GMDS: variants seen among roughly 807,000 people sequenced by gnomAD.
GMDS encodes GDP-mannose 4,6 dehydratase.
In GMDS, 20 loss-of-function variants were observed where a neutral mutation model predicts 49.9. The ratio of observed to expected loss-of-function variants is 0.40; its 90% confidence interval spans 0.28 to 0.58. The LOEUF is 0.58. Ranked by LOEUF, GMDS falls within the 20% of genes least tolerant of loss-of-function variation. The pLI is 0.42. For missense variants in GMDS, 362 were observed against 481.4 expected (o/e 0.75, Z 2.32); for synonymous variants, 177 against 178.6 (o/e 0.99, Z 0.07).
chr6:1,788,106 G>A (rs1769392392), intron 7 of GMDS, among the ~76,000 whole-genome samples: 1 of 152,136 alleles, frequency 6.6e-6, no homozygotes. Flanking sequence ...ATGAGGAAAG[G>A]CTTGGCAAGC....
At chr6:1,976,232 G>T (rs925625581) in intron 4 of GMDS, among the ~76,000 whole-genome samples, 2 of 152,154 alleles carry the variant, frequency 1.3e-5, no homozygotes, top group East Asian at 1.9e-4. Context: ...AGAAAAGAAG[G>T]TTGTCTTCAA....
chr6:2,145,396 G>C (rs1352415431), intron 1 of GMDS, among the ~76,000 whole-genome samples: 1 of 151,938 alleles, frequency 6.6e-6, no homozygotes, highest in Non-Finnish European at 1.5e-5. Context: ...AAATTAGCCG[G>C]GCGTGGTGGT....
At chr6:2,147,836 TC>T (rs1776641671) in intron 1 of GMDS, among the ~76,000 whole-genome samples, 1 of 145,760 alleles carries the variant, frequency 6.9e-6, no homozygotes, top group South Asian at 2.3e-4. Flanking sequence ...TTAGAGCAAG[TC>T]CCCTGAGCAT....
chr6:1,674,558 CTCTTTTTT>C (rs1187500410), intron 9 of GMDS, among the ~76,000 whole-genome samples: 9 of 71,418 alleles, frequency 1.3e-4, no homozygotes, highest in African/African-American at 3.8e-4. Context: ...CTCTCTCTCT[CTCTTTTTT>C]TTTTTTTTTT....
intron 4 of GMDS, among the ~76,000 whole-genome samples, chr6:2,043,974 A>ATCAC (rs1484434470): frequency 6.6e-6 from 1 of 152,212 alleles, no homozygotes; most frequent in African/African-American, 2.4e-5. Flanking sequence ...AAAGCTCAAC[A>ATCAC]TCACTGATCA....
intron 7 of GMDS, among the ~76,000 whole-genome samples, chr6:1,814,777 T>A (rs1770587748): frequency 6.6e-6 from 1 of 152,176 alleles, no homozygotes; most frequent in Non-Finnish European, 1.5e-5. Flanking sequence ...TATGAAGCAA[T>A]CCTGTTTTAT....
chr6:2,226,938 A>C (rs140243009), intron 1 of GMDS, among the ~76,000 whole-genome samples: 259 of 152,298 alleles, frequency 1.7e-3, no homozygotes, highest in Non-Finnish European at 3.0e-3. Context: ...TTCCAGATGG[A>C]ATTTAAGTTC....
intron 7 of GMDS, among the ~76,000 whole-genome samples, chr6:1,888,797 C>G (rs888495426): frequency 6.6e-6 from 1 of 152,200 alleles, no homozygotes; most frequent in South Asian, 2.1e-4. Flanking sequence ...AATGAGGGTA[C>G]AGGCATTGGG....
At chr6:1,745,528 C>T (rs1192414142) in intron 7 of GMDS, among the ~76,000 whole-genome samples, 1 of 152,112 alleles carries the variant, frequency 6.6e-6, no homozygotes, top group Admixed American at 6.6e-5. Context: ...AAACACCGGC[C>T]CGGGTCCCCT....
chr6:1,845,019 G>C (rs1333165731), intron 7 of GMDS, among the ~76,000 whole-genome samples: 1 of 152,176 alleles, frequency 6.6e-6, no homozygotes, highest in Non-Finnish European at 1.5e-5. Flanking sequence ...AAAGCTCAGT[G>C]CATTTAGATC....
At chr6:2,151,457 C>A (rs538735969) in intron 1 of GMDS, among the ~76,000 whole-genome samples, 3 of 151,972 alleles carry the variant, frequency 2.0e-5, no homozygotes, top group African/African-American at 7.2e-5. Flanking sequence ...AATACATGAG[C>A]AATATAGCCA....
At chr6:1,885,630 CTAAGTA>C (rs906829940) in intron 7 of GMDS, among the ~76,000 whole-genome samples, 82 of 152,296 alleles carry the variant, frequency 5.4e-4, no homozygotes, top group African/African-American at 1.9e-3. Context: ...CCGAGGTTGC[CTAAGTA>C]TTAGAGGGCA....
In GMDS at chr6:1,778,889, T is replaced by C. The variant is rs1248431332; in HGVS notation, c.772-36303A>G. 6.6e-6 allele frequency among the ~76,000 whole-genome samples: 1 copy of C among 152,056 alleles called. No individual in the cohort carries two copies. Among genetic ancestry groups the C allele is most frequent in the Non-Finnish European group, 1.5e-5 (1 of 68,000 alleles). On this transcript the variant is annotated intron_variant, in intron 7 of 10. Coordinates refer to ENST00000380815, the MANE Select transcript of GMDS (RefSeq NM_001500.4). The surrounding 1 kb of genome is among the most constrained non-coding windows in gnomAD (Gnocchi z 4.6). ...GCAGAAATACGCCTGAAAATGTTTTTCCAACCCCAACACCCCTGCTGCCCT... is the reference window on the plus strand; with the variant it reads ...GCAGAAATACGCCTGAAAATGTTTTCCCAACCCCAACACCCCTGCTGCCCT...
At chr6:1,918,106 A>T (rs1581360067) in intron 7 of GMDS, among the ~76,000 whole-genome samples, 1 of 152,128 alleles carries the variant, frequency 6.6e-6, no homozygotes, top group Admixed American at 6.5e-5. Context: ...TCTAATTTGC[A>T]TGTGTTGGTG....
intron 4 of GMDS, among the ~76,000 whole-genome samples, chr6:2,098,414 G>A (rs187769025): frequency 6.6e-6 from 1 of 152,130 alleles, no homozygotes; most frequent in South Asian, 2.1e-4. Context: ...AATAAAGAAA[G>A]TAATCTACTT....
intron 1 of GMDS, chr6:2,175,913 G>A: frequency 8.2e-7 from 1 of 1,213,636 alleles, no homozygotes; most frequent in Non-Finnish European, 1.2e-6. Flanking sequence ...CATTTTATAA[G>A]GTAATACTAT....
At chr6:1,814,102 A>C (rs1770558584) in intron 7 of GMDS, among the ~76,000 whole-genome samples, 1 of 152,184 alleles carries the variant, frequency 6.6e-6, no homozygotes, top group African/African-American at 2.4e-5. Context: ...TGATAAGAAA[A>C]ACTAAGATTG....
At chr6:1,949,071 G>A (rs369014185) in intron 6 of GMDS, 8 of 964,378 alleles carry the variant, frequency 8.3e-6, no homozygotes, top group East Asian at 1.1e-4. Context: ...TGGAAGGGAA[G>A]GAGTAAAAAA....
intron 9 of GMDS, among the ~76,000 whole-genome samples, chr6:1,688,998 T>C (rs6913380): frequency 0.35 from 53,715 of 152,062 alleles, 9,773 homozygotes; most frequent in East Asian, 0.5. Flanking sequence ...TACTTTCTTA[T>C]AACATGTTCT....
Sources: allele counts gnomAD v4.1 joint callset (sites outside exome capture counted in the v4.1 genomes callset), GRCh38; gene constraint gnomAD v4.1.1; non-coding constraint Gnocchi (gnomAD v3.1); transcripts MANE v1.5; gene names NCBI Gene and HGNC (gene_info 2026-07-23, HGNC 2026-07-21).